Variants in MGAT5 observed in about 807,000 individuals in gnomAD.
MGAT5 encodes the protein alpha-1,6-mannosylglycoprotein 6-beta-N-acetylglucosaminyltransferase.
Under a neutral mutation model 94.3 loss-of-function variants are expected in MGAT5, and 30 were observed. The ratio of observed to expected loss-of-function variants is 0.32; its 90% confidence interval spans 0.24 to 0.43. MGAT5 has a LOEUF of 0.43. MGAT5 is among the 20% of genes least tolerant of loss of function. MGAT5 has a pLI of 1.00. For missense variants in MGAT5, 691 were observed against 905.5 expected, an observed-to-expected ratio of 0.76 and a Z score of 3.04; for synonymous variants, 310 against 322.9, an observed-to-expected ratio of 0.96 and a Z score of 0.43.
intron 1 of MGAT5, among the ~76,000 whole-genome samples, chr2:134,267,976 G>A (rs898354826): frequency 7.9e-5 from 12 of 152,340 alleles, no homozygotes; most frequent in East Asian, 7.7e-4. Flanking sequence ...CTAATTCAGC[G>A]GTTGTCAAAT....
chr2:134,197,025 A>G (rs543559219), intron 1 of MGAT5, among the ~76,000 whole-genome samples: 4 of 152,356 alleles, frequency 2.6e-5, no homozygotes, highest in Admixed American at 2.0e-4. Flanking sequence ...ACACAGTTCA[A>G]TGATTTCTTA....
rs145123996 is a variant in MGAT5, at chr2:134,226,821, A to G, written c.-142-27441A>G. Among the ~76,000 whole-genome samples the G allele has an allele frequency of 6.0e-4, 91 of 152,324 alleles. 1 individual carries two copies. The East Asian group carries it at 0.017, about 29-fold the overall frequency. On this transcript the variant is annotated intron_variant, in intron 1 of 16. Transcript: ENST00000409645. ...GTTTATGGTTCTTTAGTACATGACT[A>G]AAACACCAGCAGGGGCTGGGCAGGT...
chr2:134,426,595 G>C (rs1055533108), intron 13 of MGAT5, among the ~76,000 whole-genome samples: 2 of 152,138 alleles, frequency 1.3e-5, no homozygotes, highest in Non-Finnish European at 2.9e-5. Flanking sequence ...AATGAACCCA[G>C]ATATGCCATG....
intron 15 of MGAT5, among the ~76,000 whole-genome samples, chr2:134,443,438 C>T (rs1238830261): frequency 1.3e-5 from 2 of 152,196 alleles, no homozygotes; most frequent in Non-Finnish European, 2.9e-5. Context: ...GTGATCTGCC[C>T]GCCTAGGCCT....
Position 134,336,236 on chromosome 2 carries a change from A to G in MGAT5, c.593A>G (p.His198Arg). 3.7e-6 allele frequency: 6 copies of G among 1,612,766 alleles called. No individual in the cohort carries two copies. Among genetic ancestry groups the G allele is most frequent in the Non-Finnish European group, 5.1e-6 (6 of 1,179,320 alleles). The change falls in exon 5 of 16, where the codon CAT (histidine) becomes CGT (arginine). Residue 198 changes from histidine (H) to arginine (R), a missense_variant. Coordinates refer to ENST00000281923, the MANE Select transcript of MGAT5 (RefSeq NM_002410.5). ...TTTTAGGTTGAAAATTGGTGTCCTC[A>G]TTTACCTTGGAGAGCAAAAAATCCC... is the stretch of plus-strand genomic sequence containing the variant. Reference protein sequence around the residue: ...YLSEVENWCPHLPWRAKNPYE... With the variant: ...YLSEVENWCPRLPWRAKNPYE...
chr2:134,337,098 A>C (rs1211712587), intron 5 of MGAT5, among the ~76,000 whole-genome samples: 1 of 152,172 alleles, frequency 6.6e-6, no homozygotes, highest in Non-Finnish European at 1.5e-5. Context: ...GCACAAAAAC[A>C]AGCTGTGAGG....
intron 13 of MGAT5, among the ~76,000 whole-genome samples, chr2:134,427,983 C>T (rs1406278962): frequency 6.6e-6 from 1 of 152,194 alleles, no homozygotes; most frequent in Non-Finnish European, 1.5e-5. Flanking sequence ...GTAAAGATGA[C>T]CCAACAGCAT....
intron 1 of MGAT5, among the ~76,000 whole-genome samples, chr2:134,129,640 G>A (rs1686022224): frequency 6.6e-6 from 1 of 150,900 alleles, no homozygotes; most frequent in Non-Finnish European, 1.5e-5. Flanking sequence ...TTTAAATAAG[G>A]TTTGAGGTCT....
At chr2:134,184,233 G>T (rs1273400584) in intron 1 of MGAT5, among the ~76,000 whole-genome samples, 1 of 152,210 alleles carries the variant, frequency 6.6e-6, no homozygotes, top group Non-Finnish European at 1.5e-5. Context: ...GGATCATGTT[G>T]CTTGTGAGTT....
At chr2:134,192,025 T>A (rs1248956070) in intron 1 of MGAT5, among the ~76,000 whole-genome samples, 2 of 148,792 alleles carry the variant, frequency 1.3e-5, no homozygotes, top group Non-Finnish European at 3.0e-5. Flanking sequence ...GTGAGCGGGT[T>A]CCTGATTGAA....
intron 1 of MGAT5, among the ~76,000 whole-genome samples, chr2:134,152,891 G>A (rs1687289950): frequency 6.7e-6 from 1 of 150,170 alleles, no homozygotes; most frequent in African/African-American, 2.5e-5. Flanking sequence ...TTCCAGGCAT[G>A]GAGTCCACTT....
chr2:134,191,571 C>G (rs1679170966), intron 1 of MGAT5, among the ~76,000 whole-genome samples: 1 of 151,130 alleles, frequency 6.6e-6, no homozygotes, highest in African/African-American at 2.4e-5. Context: ...GGTTCGCGCC[C>G]TCCTCCTTCT....
chr2:134,309,953 G>A (rs1052217482), intron 2 of MGAT5, among the ~76,000 whole-genome samples: 2 of 152,156 alleles, frequency 1.3e-5, no homozygotes, highest in African/African-American at 4.8e-5. Context: ...GCTGAATTGT[G>A]ATTTGAAATT....
chr2:134,129,217 C>T (rs1238046288), intron 1 of MGAT5, among the ~76,000 whole-genome samples: 1 of 152,206 alleles, frequency 6.6e-6, no homozygotes, highest in Non-Finnish European at 1.5e-5. Flanking sequence ...TTCCTAGGCT[C>T]ATGCCCCCTT....
chr2:134,287,015 T>C (rs1279991769), intron 2 of MGAT5, among the ~76,000 whole-genome samples: 1 of 152,206 alleles, frequency 6.6e-6, no homozygotes, highest in Non-Finnish European at 1.5e-5. Flanking sequence ...GTGACATCTT[T>C]CTTGTCTGGG....
At chr2:134,157,143 G>A (rs534077179) in intron 1 of MGAT5, among the ~76,000 whole-genome samples, 3 of 152,218 alleles carry the variant, frequency 2.0e-5, no homozygotes, top group South Asian at 4.2e-4. Context: ...TACTTACTTC[G>A]TAGGGTTCTT....
At chr2:134,358,713 G>A (rs1035638755) in intron 9 of MGAT5, among the ~76,000 whole-genome samples, 2 of 152,190 alleles carry the variant, frequency 1.3e-5, no homozygotes, top group African/African-American at 4.8e-5. Context: ...TGAAAGAAAG[G>A]TCAACTCGAC....
chr2:134,402,799 T>C (rs1461241350), intron 10 of MGAT5, among the ~76,000 whole-genome samples, 189 bp from the exon 11 acceptor site: 2 of 152,250 alleles, frequency 1.3e-5, no homozygotes, highest in African/African-American at 4.8e-5. Context: ...TATGACTGTT[T>C]ATGTCCACAA....
Position 134,349,948 on chromosome 2 carries a change from C to T in MGAT5, c.1246+10C>T. ...TTTTATACCATGTTCCGTGAGTATTCCTGTTTCATGTATGCTTTCCAGAAT... is the reference window on the plus strand; with the variant it reads ...TTTTATACCATGTTCCGTGAGTATTTCTGTTTCATGTATGCTTTCCAGAAT... On this transcript the variant is annotated intron_variant, in intron 9 of 15. Transcript: ENST00000281923. 2 of 1,612,936 alleles carry T rather than the reference C, an allele frequency of 1.2e-6. No individual in the cohort carries two copies. Among genetic ancestry groups the T allele is most frequent in the Non-Finnish European group, 1.7e-6 (2 of 1,179,316 alleles).
Sources: gnomAD v4.1 joint callset for allele counts (sites outside exome capture counted in the v4.1 genomes callset) on GRCh38, gnomAD v4.1.1 for gene constraint, MANE v1.5 for transcripts, NCBI Gene and HGNC (gene_info 2026-07-23, HGNC 2026-07-21) for gene names.